Variants in CNTNAP2 observed in about 807,000 individuals in gnomAD.
The protein encoded by CNTNAP2 is contactin associated protein 2.
A neutral mutation model predicts 155.2 loss-of-function variants in CNTNAP2; 98 were observed. The ratio of observed to expected loss-of-function variants is 0.63; its 90% confidence interval spans 0.54 to 0.75. The LOEUF (loss-of-function observed/expected upper bound fraction) is 0.75, where lower values mean the gene tolerates loss of function less well. Ranked by LOEUF, CNTNAP2 falls within the 30% of genes least tolerant of loss-of-function variation. CNTNAP2 has a pLI of 0.00. For missense variants in CNTNAP2, 1,727 were observed against 1,688.1 expected (o/e 1.02, Z -0.40); for synonymous variants, 651 against 631.2 (o/e 1.03, Z -0.47).
chr7:148,058,189 G>A (rs1803059780), intron 15 of CNTNAP2, among the ~76,000 whole-genome samples: 1 of 152,088 alleles, frequency 6.6e-6, no homozygotes, highest in South Asian at 2.1e-4. Flanking sequence ...GTTCAATTGT[G>A]CAGGTCAGGT....
chr7:147,044,673 C>A (rs1799324056), intron 4 of CNTNAP2, among the ~76,000 whole-genome samples: 1 of 152,128 alleles, frequency 6.6e-6, no homozygotes, highest in African/African-American at 2.4e-5. Flanking sequence ...TCTAAGGATT[C>A]CAACATATGA....
intron 1 of CNTNAP2, among the ~76,000 whole-genome samples, chr7:146,336,148 G>A (rs562703896): frequency 8.4e-4 from 125 of 148,980 alleles, no homozygotes; most frequent in African/African-American, 2.7e-3. Flanking sequence ...GTGGTGAGCC[G>A]AGATCACACC....
At chr7:146,321,851 A>G (rs58423301) in intron 1 of CNTNAP2, among the ~76,000 whole-genome samples, 13,319 of 152,210 alleles carry the variant, frequency 0.088, 1,647 homozygotes, top group African/African-American at 0.28. Context: ...CTAGAATGGA[A>G]AGCAGCCTCT....
chr7:147,810,144 C>A lies in CNTNAP2; in HGVS notation c.2099-93421C>A, dbSNP rs143030327. Among the ~76,000 whole-genome samples the A allele has an allele frequency of 6.6e-5, 10 of 152,020 alleles. No homozygotes were observed. In the South Asian group the frequency reaches 1.0e-3, roughly 16 times the overall value. On this transcript the variant is annotated intron_variant, in intron 13 of 23. Coordinates refer to ENST00000361727, the MANE Select transcript of CNTNAP2 (RefSeq NM_014141.6). ...TACTGCTAAACCTAATTATTTAATTCTTCTTCTTAAATAGATATTATTTAG... is the reference window on the plus strand; with the variant it reads ...TACTGCTAAACCTAATTATTTAATTATTCTTCTTAAATAGATATTATTTAG...
chr7:148,190,318 G>C (rs1337327158), intron 18 of CNTNAP2: 2 of 152,228 alleles, frequency 1.3e-5, no homozygotes, highest in Non-Finnish European at 2.9e-5. Context: ...AGGAGGTAGA[G>C]AGAGGCCAAA....
chr7:148,187,821 G>A (rs1437341807), intron 18 of CNTNAP2, among the ~76,000 whole-genome samples: 1 of 152,082 alleles, frequency 6.6e-6, no homozygotes, highest in East Asian at 1.9e-4. Flanking sequence ...CTAGGCATGA[G>A]TAAAGGAATT....
intron 3 of CNTNAP2, among the ~76,000 whole-genome samples, chr7:146,851,669 TGTGTGTG>T (rs1794881943): frequency 2.7e-5 from 2 of 74,910 alleles, no homozygotes; most frequent in African/African-American, 8.3e-5. Flanking sequence ...TGTGTGTGTG[TGTGTGTG>T]TGTGTGTGTG....
At chr7:147,585,628 C>T (rs28726668) in intron 12 of CNTNAP2, among the ~76,000 whole-genome samples, 18,387 of 98,506 alleles carry the variant, frequency 0.19, 2,824 homozygotes, top group African/African-American at 0.46. Flanking sequence ...AATTTTGAGG[C>T]CAAAAATATA....
intron 15 of CNTNAP2, among the ~76,000 whole-genome samples, chr7:148,031,498 C>T (rs543466230): frequency 1.3e-5 from 2 of 152,326 alleles, no homozygotes; most frequent in East Asian, 1.9e-4. Flanking sequence ...ACACCTTACA[C>T]ATACTTTAAA....
intron 22 of CNTNAP2, 89 bp from the exon 23 acceptor site, chr7:148,409,299 GTGT>G: frequency 1.0e-6 from 1 of 973,024 alleles, no homozygotes; most frequent in Non-Finnish European, 1.7e-6. Flanking sequence ...AAAACAGGAA[GTGT>G]TGAAGAGTTG....
rs533726254 is a variant in CNTNAP2 at position 147,033,895 on chromosome 7, CAA to C, written c.403-10011_403-10010del. Among the ~76,000 whole-genome samples, 578 of 151,374 alleles carry C rather than the reference CAA, an allele frequency of 3.8e-3. 9 individuals are homozygous for C. The highest frequency in any genetic ancestry group is 0.014 in the Middle Eastern group (4 of 288). Reference sequence around the variant, plus strand: ...TATTGGCTTCATACAGGAAAGAACTCAAGAGTACACCAACAGAATAAAGTGCA... The same window carrying C: ...TATTGGCTTCATACAGGAAAGAACTCGAGTACACCAACAGAATAAAGTGCA... On this transcript the variant is annotated intron_variant, in intron 3 of 23. Coordinates refer to ENST00000361727, the MANE Select transcript of CNTNAP2 (RefSeq NM_014141.6).
At chr7:147,519,023 C>CA (rs149054741) in intron 11 of CNTNAP2, among the ~76,000 whole-genome samples, 1,738 of 102,086 alleles carry the variant, frequency 0.017, 23 homozygotes, top group African/African-American at 0.037. Context: ...GACTCTGTCT[C>CA]AAAAAAAAAA....
chr7:147,143,457 C>T (rs1031883597), intron 8 of CNTNAP2, among the ~76,000 whole-genome samples: 3 of 151,956 alleles, frequency 2.0e-5, no homozygotes, highest in Non-Finnish European at 4.4e-5. Flanking sequence ...TTCAAAAATG[C>T]TTCATCTTCT....
At chr7:147,743,089 G>T (rs1455691842) in intron 13 of CNTNAP2, among the ~76,000 whole-genome samples, 1 of 152,136 alleles carries the variant, frequency 6.6e-6, no homozygotes, top group Non-Finnish European at 1.5e-5. Flanking sequence ...CACATTCACA[G>T]TCTTCTATAG....
At chr7:147,277,156 A>G (rs1224509899) in intron 8 of CNTNAP2, among the ~76,000 whole-genome samples, 1 of 152,026 alleles carries the variant, frequency 6.6e-6, no homozygotes, top group African/African-American at 2.4e-5. Flanking sequence ...TATGCTTGCA[A>G]TATGGTTTGA....
chr7:146,307,355 C>G (rs1171755301), intron 1 of CNTNAP2, among the ~76,000 whole-genome samples: 1 of 152,132 alleles, frequency 6.6e-6, no homozygotes, highest in African/African-American at 2.4e-5. Flanking sequence ...GAAGAACATT[C>G]CATGCTCATG....
At chr7:147,482,871 C>T (rs1021997496) in intron 10 of CNTNAP2, among the ~76,000 whole-genome samples, 1 of 151,804 alleles carries the variant, frequency 6.6e-6, no homozygotes, top group African/African-American at 2.4e-5. Flanking sequence ...CATGGTGAAA[C>T]CCTGTCTCTA....
At chr7:147,728,408 T>C (rs1584923332) in intron 13 of CNTNAP2, among the ~76,000 whole-genome samples, 1 of 152,058 alleles carries the variant, frequency 6.6e-6, no homozygotes, top group Non-Finnish European at 1.5e-5. Flanking sequence ...TTAAACTGAA[T>C]TCTTAAAGTT....
chr7:147,995,182 C>T (rs1324766970), intron 15 of CNTNAP2, among the ~76,000 whole-genome samples: 1 of 152,156 alleles, frequency 6.6e-6, no homozygotes, highest in Non-Finnish European at 1.5e-5. Context: ...ACCAGGCATG[C>T]ACCCAAAACC....
Sources: gnomAD v4.1 joint callset for allele counts (sites outside exome capture counted in the v4.1 genomes callset) on GRCh38, gnomAD v4.1.1 for gene constraint, MANE v1.5 for transcripts, NCBI Gene and HGNC (gene_info 2026-07-23, HGNC 2026-07-21) for gene names.